The following PROSER2 variants were observed in gnomAD, a reference collection of about 807,000 sequenced individuals.
PROSER2 encodes the protein proline and serine rich 2, also known as proline and serine-rich protein 2.
In PROSER2, 18 loss-of-function variants were observed where a neutral mutation model predicts 14.6. That is an observed-to-expected ratio of 1.23 (90% CI 0.85 to 1.83). PROSER2 has a LOEUF of 1.83. PROSER2 is among the 40% of genes most tolerant of loss of function. The pLI is 0.00. For synonymous variants in PROSER2, 367 were observed against 286.4 expected, an observed-to-expected ratio of 1.28 and a Z score of -2.84; for missense variants, 823 against 629.8, an observed-to-expected ratio of 1.31 and a Z score of -3.28.
At chr10:11,859,315 C>A (rs1339014144) in intron 2 of PROSER2, among the ~76,000 whole-genome samples, 1 of 151,818 alleles carries the variant, frequency 6.6e-6, no homozygotes, top group Admixed American at 6.6e-5. Context: ...GTAATCTCAG[C>A]GATTCTGGAG....
intron 2 of PROSER2, among the ~76,000 whole-genome samples, chr10:11,853,024 G>A (rs1216799631): frequency 1.3e-5 from 2 of 152,076 alleles, no homozygotes; most frequent in African/African-American, 4.8e-5. Context: ...TTCAAGAGAG[G>A]GGAGACCATG....
rs1833759550 is a variant in PROSER2 at position 11,836,279 on chromosome 10, C to T, written c.-82+12809C>T. ...TGGTGTGATCTCCACTCACTGCAGC[C>T]TCCACCTTCCAGGTTCAAGCGATTC... On this transcript the variant is annotated intron_variant, in intron 1 of 3. Transcript: ENST00000277570. The surrounding 1 kb of genome is among the most constrained non-coding windows in gnomAD (Gnocchi z 4.6). Among the ~76,000 whole-genome samples the T allele has an allele frequency of 6.6e-6, 1 of 152,132 alleles. No homozygotes were observed. The highest frequency in any genetic ancestry group is 2.1e-4 in the South Asian group (1 of 4,822).
Position 11,823,696 on chromosome 10 carries a change from G to A in PROSER2, c.-82+226G>A, listed in dbSNP as rs990485806. 6.6e-6 allele frequency among the ~76,000 whole-genome samples: 1 copy of A among 151,994 alleles called. No homozygotes were observed. Among genetic ancestry groups the A allele is most frequent in the African/African-American group, 2.4e-5 (1 of 41,398 alleles). On this transcript the variant is annotated intron_variant, in intron 1 of 3. Coordinates refer to ENST00000277570, the MANE Select transcript of PROSER2 (RefSeq NM_153256.4). This position sits in a 1 kb window ranked among gnomAD's most constrained non-coding sequence, Gnocchi z 6.2. Reference sequence around the variant, plus strand: ...CCCCGGGGCGTCGCTGCCTCCTCGGGGACCTCGGAGTCGGGGCGCGGCGGG... The same window carrying A: ...CCCCGGGGCGTCGCTGCCTCCTCGGAGACCTCGGAGTCGGGGCGCGGCGGG...
intron 1 of PROSER2, among the ~76,000 whole-genome samples, chr10:11,834,496 A>G (rs1379066812): frequency 2.0e-5 from 3 of 150,432 alleles, no homozygotes; most frequent in African/African-American, 7.3e-5. Flanking sequence ...GCACTTTGGG[A>G]GGCCGAGGCT....
rs139968753 is a variant in PROSER2, at chr10:11,843,307, C to T, written c.-81-8690C>T. Among the ~76,000 whole-genome samples the T allele has an allele frequency of 4.4e-3, 670 of 150,796 alleles. 6 individuals carry two copies. Among genetic ancestry groups the T allele is most frequent in the African/African-American group, 0.016 (641 of 41,242 alleles). Reference sequence around the variant, plus strand: ...GTGGCACACACCTGTAATCCCAGCACTTTGGGAGGCAGAGGCAGGCGGATC... The same window carrying T: ...GTGGCACACACCTGTAATCCCAGCATTTTGGGAGGCAGAGGCAGGCGGATC... On this transcript the variant is annotated intron_variant, in intron 1 of 3. Transcript: ENST00000277570.
At chr10:11,839,469 C>T (rs145233190) in intron 1 of PROSER2, among the ~76,000 whole-genome samples, 1 of 152,262 alleles carries the variant, frequency 6.6e-6, no homozygotes, top group Non-Finnish European at 1.5e-5. Flanking sequence ...ATAAAACTTT[C>T]CAGTCTGTTT....
At chr10:11,857,600 C>A (rs958132722) in intron 2 of PROSER2, among the ~76,000 whole-genome samples, 5 of 152,118 alleles carry the variant, frequency 3.3e-5, no homozygotes, top group Middle Eastern at 3.4e-3. Flanking sequence ...CAAAAATTAG[C>A]CAGGCGTGGT....
rs1039495011 is a variant in PROSER2, at chr10:11,869,065, A to G, written c.392-425A>G. Among the ~76,000 whole-genome samples, 1 of 152,192 alleles carries G rather than the reference A, an allele frequency of 6.6e-6. No individual in the cohort carries two copies. Among genetic ancestry groups the G allele is most frequent in the Admixed American group, 6.5e-5 (1 of 15,286 alleles). ...CTGTTAAATTCTCTGTCATAGAGGA[A>G]AGTGACACAGCTACATGTCCTTCAT... On this transcript the variant is annotated intron_variant, in intron 3 of 3. Transcript: ENST00000277570. This position sits in a 1 kb window ranked among gnomAD's most constrained non-coding sequence, Gnocchi z 4.4.
At chr10:11,832,011 T>A (rs779673726) in intron 1 of PROSER2, among the ~76,000 whole-genome samples, 5 of 152,140 alleles carry the variant, frequency 3.3e-5, no homozygotes, top group Non-Finnish European at 7.4e-5. Context: ...AAAAAATAAA[T>A]TTAAAATTAA....
Position 11,838,796 on chromosome 10 carries a change from G to T in PROSER2, c.-81-13201G>T, listed in dbSNP as rs1588485953. On this transcript the variant is annotated intron_variant, in intron 1 of 3. Transcript: ENST00000277570. This position sits in a 1 kb window ranked among gnomAD's most constrained non-coding sequence, Gnocchi z 4.4. ...TAATAATCATCTGGTTTCCTCGTTTGTACACTGTCTAATCATATTCCTTGT... is the reference window on the plus strand; with the variant it reads ...TAATAATCATCTGGTTTCCTCGTTTTTACACTGTCTAATCATATTCCTTGT... 6.6e-6 allele frequency among the ~76,000 whole-genome samples: 1 copy of T among 152,264 alleles called. No individual in the cohort carries two copies. The highest frequency in any genetic ancestry group is 2.1e-4 in the South Asian group (1 of 4,818).
At chr10:11,849,821 C>G (rs570742873) in intron 1 of PROSER2, 2 of 152,414 alleles carry the variant, frequency 1.3e-5, no homozygotes, top group South Asian at 4.1e-4. Flanking sequence ...CACTTAATCC[C>G]CAGCATGGCC....
intron 2 of PROSER2, among the ~76,000 whole-genome samples, chr10:11,864,364 T>G (rs961604950): frequency 6.6e-6 from 1 of 152,178 alleles, no homozygotes; most frequent in African/African-American, 2.4e-5. Flanking sequence ...TACAGAGAAC[T>G]CCCACCTACG....
At position 11,840,857 on chromosome 10, in the gene PROSER2, G is replaced by A. The variant is rs866993320; in HGVS notation, c.-81-11140G>A. Among the ~76,000 whole-genome samples the A allele has an allele frequency of 1.9e-4, 28 of 146,282 alleles. No individual in the cohort carries two copies. In the East Asian group the frequency reaches 4.3e-3, roughly 22 times the overall value. ...GGAGAATCGCTTGAACCAGGGAGGC[G>A]GAGGTTACAGTGAGCGAAGATTGCA... On this transcript the variant is annotated intron_variant, in intron 1 of 3. Coordinates refer to ENST00000277570, the MANE Select transcript of PROSER2 (RefSeq NM_153256.4).
chr10:11,869,581 A>G lies in PROSER2; in HGVS notation c.483A>G (p.Pro161=), dbSNP rs763567408. The G allele has an allele frequency of 6.2e-7, 1 of 1,604,436 alleles. No individual in the cohort carries two copies. Among genetic ancestry groups the G allele is most frequent in the Non-Finnish European group, 8.5e-7 (1 of 1,174,562 alleles). The change falls in exon 4 of 4, where the codon CCA becomes CCG. Residue 161 remains proline (P), a synonymous_variant. Coordinates refer to ENST00000277570, the MANE Select transcript of PROSER2 (RefSeq NM_153256.4). The surrounding 1 kb of genome is among the most constrained non-coding windows in gnomAD (Gnocchi z 4.4). ...CGGCTCCCGAGACCCTTCTTGCGCC[A>G]CCACCCCTGCCTAGCACCCCCGATC... The part of the protein sequence containing the change: ...DPPAPETLLA[P]PPLPSTPDPP...
chr10:11,853,818 C>T (rs1264266158), intron 2 of PROSER2, among the ~76,000 whole-genome samples: 1 of 152,174 alleles, frequency 6.6e-6, no homozygotes, highest in East Asian at 1.9e-4. Context: ...CCCTACTGCA[C>T]ACATTTCTTA....
intron 2 of PROSER2, among the ~76,000 whole-genome samples, chr10:11,864,592 CTT>C (rs533338162): frequency 5.0e-5 from 7 of 139,644 alleles, no homozygotes; most frequent in Non-Finnish European, 6.2e-5. Context: ...TTTTTTTTTT[CTT>C]TTTTTTTTTT....
intron 3 of PROSER2, among the ~76,000 whole-genome samples, chr10:11,867,846 T>C (rs1834385057): frequency 6.6e-6 from 1 of 152,160 alleles, no homozygotes; most frequent in South Asian, 2.1e-4. Context: ...CCAGTTTTTT[T>C]CCCCGATTGG....
chr10:11,869,750 A>G lies in PROSER2; in HGVS notation c.652A>G (p.Arg218Gly). Reference sequence around the variant, plus strand: ...AGCCCTCTCGCCCACCTCCCCGTTCAGGGAGGGCCGGCCCGGGGAGTGGAG... The same window carrying G: ...AGCCCTCTCGCCCACCTCCCCGTTCGGGGAGGGCCGGCCCGGGGAGTGGAG... ...NEALSPTSPF[R>G]EGRPGEWRTP... Residue 218 changes from arginine to glycine, a missense_variant, in exon 4 of 4, where the codon AGG (arginine) becomes GGG (glycine). Physicochemically the swap from Arg to Gly is moderately radical, Grantham distance 125. Transcript: ENST00000277570. The surrounding 1 kb of genome is among the most constrained non-coding windows in gnomAD (Gnocchi z 4.4). 12 of 1,581,794 alleles carry G rather than the reference A, an allele frequency of 7.6e-6. No homozygotes were observed. Among genetic ancestry groups the G allele is most frequent in the South Asian group, 1.2e-5 (1 of 86,416 alleles).
rs1326906232 is a variant in PROSER2 at position 11,837,245 on chromosome 10, C to T, written c.-82+13775C>T. Among the ~76,000 whole-genome samples the T allele has an allele frequency of 6.6e-6, 1 of 152,172 alleles. No individual in the cohort carries two copies. The highest frequency in any genetic ancestry group is 2.4e-5 in the African/African-American group (1 of 41,438). On this transcript the variant is annotated intron_variant, in intron 1 of 3. Transcript: ENST00000277570. This position sits in a 1 kb window ranked among gnomAD's most constrained non-coding sequence, Gnocchi z 4.6. The stretch of plus-strand genomic sequence containing the variant: ...AAATCAAATGCTGAGGTCGCTGAGA[C>T]CTACTGTAAGAACAAATCATCTTCT...
Sources: allele counts gnomAD v4.1 joint callset (sites outside exome capture counted in the v4.1 genomes callset), GRCh38; gene constraint gnomAD v4.1.1; non-coding constraint Gnocchi (gnomAD v3.1); transcripts MANE v1.5; gene names NCBI Gene and HGNC (gene_info 2026-07-23, HGNC 2026-07-21).